The following PRUNE2 variants were observed in gnomAD, a reference collection of about 807,000 sequenced individuals.
The protein encoded by PRUNE2 is protein prune homolog 2.
PRUNE2 carries 164 observed loss-of-function variants against 252.0 expected under a neutral mutation model. The ratio of observed to expected loss-of-function variants is 0.65; its 90% confidence interval spans 0.57 to 0.74. The LOEUF (loss-of-function observed/expected upper bound fraction) is 0.74. Among genes scored for constraint, PRUNE2 ranks in the 30% least tolerant of loss-of-function variants. The pLI is 0.00. For synonymous variants in PRUNE2, 1,292 were observed against 1,350.2 expected, an observed-to-expected ratio of 0.96 and a Z score of 0.94; for missense variants, 3,495 against 3,711.0, an observed-to-expected ratio of 0.94 and a Z score of 1.51.
intron 6 of PRUNE2, among the ~76,000 whole-genome samples, chr9:76,732,428 A>G (rs2048705936): frequency 6.6e-6 from 1 of 152,246 alleles, no homozygotes; most frequent in South Asian, 2.1e-4. Context: ...ATCTGCCCTT[A>G]CCACCCACGC....
At chr9:76,814,477 C>T (rs1437865944) in intron 6 of PRUNE2, among the ~76,000 whole-genome samples, 1 of 152,184 alleles carries the variant, frequency 6.6e-6, no homozygotes, top group Admixed American at 6.5e-5. Flanking sequence ...TGAGCAAGAA[C>T]CCCTCAGCCA....
rs1343149667 is a variant in PRUNE2, at chr9:76,773,413, TCA to T, written c.756+50217_756+50218del. On this transcript the variant is annotated intron_variant, in intron 6 of 18. Coordinates refer to ENST00000376718, the MANE Select transcript of PRUNE2 (RefSeq NM_015225.3). The stretch of plus-strand genomic sequence containing the variant: ...TTCCTGTAATACATTCATCCCGCAG[TCA>T]CATCACATACACACTAGTACATCTT... 3.3e-5 allele frequency among the ~76,000 whole-genome samples: 5 copies of T among 151,092 alleles called. No individual in the cohort carries two copies. In the East Asian group the frequency reaches 9.8e-4, roughly 30 times the overall value.
At chr9:76,868,327 C>A (rs1464349438) in intron 1 of PRUNE2, among the ~76,000 whole-genome samples, 1 of 152,176 alleles carries the variant, frequency 6.6e-6, no homozygotes, top group African/African-American at 2.4e-5. Flanking sequence ...CGTTTCCAAG[C>A]CCTCCACTTA....
At chr9:76,797,007 T>C (rs2056151128) in intron 6 of PRUNE2, among the ~76,000 whole-genome samples, 1 of 151,966 alleles carries the variant, frequency 6.6e-6, no homozygotes, top group Non-Finnish European at 1.5e-5. Context: ...TTACTGAGAT[T>C]GTTTCCAAAA....
Position 76,752,612 on chromosome 9 carries a change from A to C in PRUNE2, c.757-38891T>G, listed in dbSNP as rs114201809. On this transcript the variant is annotated intron_variant, in intron 6 of 18. Coordinates refer to ENST00000376718, the MANE Select transcript of PRUNE2 (RefSeq NM_015225.3). ...TCAGTCTCCTGAATAGAAGGTTAAT[A>C]ATAACAGCAAATATTTCAGCACTTA... Among the ~76,000 whole-genome samples the C allele has an allele frequency of 3.4e-3, 523 of 152,304 alleles. 5 individuals carry two copies. The highest frequency in any genetic ancestry group is 0.012 in the African/African-American group (512 of 41,572).
chr9:76,625,028 A>G lies in PRUNE2; in HGVS notation c.9150-538T>C, dbSNP rs758428208. On this transcript the variant is annotated intron_variant, in intron 16 of 18. Transcript: ENST00000376718. The stretch of plus-strand genomic sequence containing the variant: ...AGGAGATCAGGAGATTTTACCTCAC[A>G]CTTCTCTTATAAGATCTCTCTTCAT... The G allele has an allele frequency of 1.1e-3, 1,408 of 1,303,434 alleles. 2 individuals are homozygous for G. The highest frequency in any genetic ancestry group is 1.4e-3 in the Non-Finnish European group (1,378 of 988,592). 80.7% of individuals were successfully genotyped at this position (1,303,434 alleles called of 1,614,324 possible). A position where few individuals can be genotyped will look rare whatever the true frequency, so the allele number is the denominator to read the frequency against.
intron 6 of PRUNE2, among the ~76,000 whole-genome samples, chr9:76,774,456 T>TATTTATTTATTTA (rs770848796): frequency 7.5e-6 from 1 of 133,814 alleles, no homozygotes; most frequent in African/African-American, 2.7e-5. Context: ...AACCCTTTTT[T>TATTTATTTATTTA]TTTTTTTTTT....
At chr9:76,871,920 C>T (rs1244803235) in intron 1 of PRUNE2, among the ~76,000 whole-genome samples, 2 of 145,472 alleles carry the variant, frequency 1.4e-5, no homozygotes, top group Non-Finnish European at 2.9e-5. Flanking sequence ...TGAGCTACCA[C>T]GTCCAGCCTA....
At chr9:76,761,185 A>T (rs1351380690) in intron 6 of PRUNE2, among the ~76,000 whole-genome samples, 2 of 151,990 alleles carry the variant, frequency 1.3e-5, no homozygotes, top group Non-Finnish European at 2.9e-5. Context: ...AATGAATCTG[A>T]ATTAGAAGCC....
intron 9 of PRUNE2, among the ~76,000 whole-genome samples, chr9:76,668,964 TTCTC>T (rs1369290117): frequency 6.6e-6 from 1 of 151,178 alleles, no homozygotes; most frequent in African/African-American, 2.4e-5. Context: ...GATGGCCATC[TTCTC>T]TCTCTGTTTT....
intron 9 of PRUNE2, among the ~76,000 whole-genome samples, chr9:76,671,747 TCAA>T (rs2041528791): frequency 1.3e-5 from 2 of 150,878 alleles, no homozygotes; most frequent in Admixed American, 6.6e-5. Flanking sequence ...GGGCCAATAT[TCAA>T]CATTCTTAAA....
chr9:76,761,106 A>T (rs116579321), intron 6 of PRUNE2, among the ~76,000 whole-genome samples: 7,640 of 125,688 alleles, frequency 0.061, 385 homozygotes, highest in African/African-American at 0.15. Context: ...AAAAAAAAAT[A>T]CTCAACAGAG....
At chr9:76,889,734 G>A (rs556197007) in intron 1 of PRUNE2, among the ~76,000 whole-genome samples, 8 of 152,256 alleles carry the variant, frequency 5.3e-5, no homozygotes, top group South Asian at 4.1e-4. Flanking sequence ...ACACCTCCTC[G>A]GGGGGAAGCA....
chr9:76,707,502 C>T lies in PRUNE2; in HGVS notation c.4772G>A (p.Gly1591Asp). The change falls in exon 8 of 19, where the codon GGC (glycine) becomes GAC (aspartate). Residue 1591 changes from glycine to aspartate, a missense_variant. By Grantham distance (94) the Gly-to-Asp change is moderately conservative. Transcript: ENST00000376718. ...CACTTTGGTAACTATTTCTACTTGG[C>T]CATCAGTGGTAATTAGTTCAGATTC... Reference protein sequence around the residue: ...HQESELITTDGQVEIVTKVKD... With the variant: ...HQESELITTDDQVEIVTKVKD... 1 of 1,613,836 alleles carries T rather than the reference C, an allele frequency of 6.2e-7. No homozygotes were observed. Among genetic ancestry groups the T allele is most frequent in the Middle Eastern group, 1.6e-4 (1 of 6,062 alleles).
intron 6 of PRUNE2, chr9:76,788,558 CA>C: frequency 1.4e-6 from 1 of 716,444 alleles, no homozygotes; most frequent in Non-Finnish European, 2.6e-6. Context: ...GTGTTGACAA[CA>C]ATGACAGTGT....
At chr9:76,698,979 T>G (rs545383514) in intron 9 of PRUNE2, among the ~76,000 whole-genome samples, 2 of 152,210 alleles carry the variant, frequency 1.3e-5, no homozygotes, top group South Asian at 4.1e-4. Flanking sequence ...AGGTGATGTC[T>G]CAATACTGTT....
intron 6 of PRUNE2, chr9:76,779,782 T>C (rs1475276545): frequency 2.0e-5 from 3 of 152,248 alleles, no homozygotes; most frequent in Admixed American, 2.0e-4. Context: ...CATCGCTAAT[T>C]GCCAAGCCAT....
At chr9:76,683,995 G>A (rs1474424496) in intron 9 of PRUNE2, among the ~76,000 whole-genome samples, 1 of 151,456 alleles carries the variant, frequency 6.6e-6, no homozygotes, top group East Asian at 1.9e-4. Context: ...ATATTGATGG[G>A]ATACAATGTG....
intron 1 of PRUNE2, among the ~76,000 whole-genome samples, chr9:76,888,394 T>C (rs2062237080): frequency 1.3e-5 from 2 of 152,086 alleles, no homozygotes; most frequent in Admixed American, 1.3e-4. Flanking sequence ...CTGGCCAACA[T>C]GGTGAAACCT....
Sources: gnomAD v4.1 joint callset for allele counts (sites outside exome capture counted in the v4.1 genomes callset) on GRCh38, gnomAD v4.1.1 for gene constraint, MANE v1.5 for transcripts, NCBI Gene and HGNC (gene_info 2026-07-23, HGNC 2026-07-21) for gene names.